Variants in CEP192 observed in about 807,000 individuals in gnomAD.
The protein encoded by CEP192 is centrosomal protein 192, also known as centrosomal protein of 192 kDa.
Under a neutral mutation model 271.8 loss-of-function variants are expected in CEP192, and 151 were observed. The observed-to-expected ratio is 0.56, with a 90% CI of 0.49 to 0.64. The LOEUF (loss-of-function observed/expected upper bound fraction) is 0.64. Ranked by LOEUF, CEP192 falls within the 30% of genes least tolerant of loss-of-function variation. The pLI is 0.00. For missense variants in CEP192, 2,910 were observed against 3,020.5 expected (o/e 0.96, Z 0.86); for synonymous variants, 995 against 1,076.5 (o/e 0.92, Z 1.48).
intron 36 of CEP192, among the ~76,000 whole-genome samples, chr18:13,097,346 T>C (rs2039448984): frequency 6.6e-6 from 1 of 152,224 alleles, no homozygotes; most frequent in South Asian, 2.1e-4. Context: ...TTATAAACTC[T>C]TCTCTGGCAT....
chr18:13,078,328 A>G (rs2038400226), intron 30 of CEP192, among the ~76,000 whole-genome samples: 1 of 152,128 alleles, frequency 6.6e-6, no homozygotes, highest in Non-Finnish European at 1.5e-5. Flanking sequence ...TATCCAGTCT[A>G]TCATTGATGG....
intron 21 of CEP192, among the ~76,000 whole-genome samples, chr18:13,060,530 G>A (rs986142182): frequency 6.6e-6 from 1 of 152,130 alleles, no homozygotes; most frequent in African/African-American, 2.4e-5. Flanking sequence ...CAAGGTGTTA[G>A]GAATTTTCCA....
chr18:12,996,855 A>C lies in CEP192; in HGVS notation c.-4-2566A>C, dbSNP rs547000547. Among the ~76,000 whole-genome samples, 230 of 152,158 alleles carry C rather than the reference A, an allele frequency of 1.5e-3. 4 individuals carry two copies. Among genetic ancestry groups the C allele is most frequent in the South Asian group, 6.5e-3 (31 of 4,796 alleles). ...GAGATCAGGGCTGATGCTGACAAGC[A>C]TTTTTTTGGTGGTGTGGTGGGATGA... On this transcript the variant is annotated intron_variant, in intron 1 of 44. Transcript: ENST00000506447.
chr18:13,049,445 A>G lies in CEP192; in HGVS notation c.2654A>G (p.Asp885Gly), dbSNP rs536253009. Residue 885 changes from aspartate (D) to glycine (G), a missense_variant, in exon 16 of 45, where the codon GAC becomes GGC. Coordinates refer to ENST00000506447, the MANE Select transcript of CEP192 (RefSeq NM_032142.4). Reference protein sequence around the residue: ...AVVDVKTCSIDNKLQDVGNDE... With the variant: ...AVVDVKTCSIGNKLQDVGNDE... Reference sequence around the variant, plus strand: ...GTTGATGTGAAGACATGTTCCATTGACAACAAATTACAAGATGTTGGTAAC... The same window carrying G: ...GTTGATGTGAAGACATGTTCCATTGGCAACAAATTACAAGATGTTGGTAAC... 5 of 1,614,152 alleles carry G rather than the reference A, an allele frequency of 3.1e-6. No homozygotes were observed. The highest frequency in any genetic ancestry group is 1.7e-5 in the Admixed American group (1 of 60,022).
intron 1 of CEP192, among the ~76,000 whole-genome samples, chr18:12,991,908 C>T (rs1568245254): frequency 1.4e-5 from 1 of 73,416 alleles, no homozygotes; most frequent in Non-Finnish European, 2.4e-5. Flanking sequence ...AGGAAGTAAC[C>T]TTGTTAACTT....
At chr18:13,094,499 T>A (rs185689514) in intron 34 of CEP192, among the ~76,000 whole-genome samples, 3 of 152,334 alleles carry the variant, frequency 2.0e-5, no homozygotes, top group East Asian at 3.9e-4. Context: ...TGGCTTCTGA[T>A]CCTTTTGATA....
intron 3 of CEP192, among the ~76,000 whole-genome samples, chr18:13,004,648 T>C (rs776066577): frequency 4.6e-5 from 7 of 151,522 alleles, no homozygotes; most frequent in African/African-American, 7.3e-5. Flanking sequence ...GAGGAGTTGG[T>C]GGTTTAAAAA....
intron 31 of CEP192, 56 bp downstream of exon 31, chr18:13,087,333 A>T (rs866997431): frequency 3.2e-5 from 46 of 1,440,460 alleles, no homozygotes; most frequent in Middle Eastern, 4.4e-4. Context: ...ATTGTTAATA[A>T]TTATGTATTT....
intron 8 of CEP192, among the ~76,000 whole-genome samples, chr18:13,018,845 G>A (rs140220591): frequency 6.0e-4 from 92 of 152,172 alleles, no homozygotes; most frequent in African/African-American, 2.2e-3. Flanking sequence ...ACAAATAATT[G>A]TATTCTATCC....
chr18:13,035,469 A>G (rs2035867911), intron 11 of CEP192, among the ~76,000 whole-genome samples: 1 of 152,198 alleles, frequency 6.6e-6, no homozygotes, highest in Non-Finnish European at 1.5e-5. Flanking sequence ...AACCCATCAG[A>G]TCTCGTGAGA....
chr18:13,103,612 T>C (rs775399751), intron 39 of CEP192, 24 bp downstream of exon 39: 5 of 1,525,770 alleles, frequency 3.3e-6, no homozygotes, highest in Middle Eastern at 1.7e-4. Flanking sequence ...GCCTCAGATA[T>C]AATCGTTTTA....
intron 20 of CEP192, 146 bp downstream of exon 20, chr18:13,057,879 T>A (rs1420291477): frequency 6.4e-6 from 4 of 623,844 alleles, no homozygotes; most frequent in Non-Finnish European, 1.1e-5. Context: ...TCAGACCCCT[T>A]TTGTTGTAGT....
intron 36 of CEP192, among the ~76,000 whole-genome samples, chr18:13,098,798 A>G (rs977063106): frequency 6.6e-6 from 1 of 152,176 alleles, no homozygotes; most frequent in Non-Finnish European, 1.5e-5. Context: ...CAGAGGCTGC[A>G]GTCTCGGCAC....
At chr18:13,053,784 G>A (rs866316416) in intron 18 of CEP192, among the ~76,000 whole-genome samples, 1 of 152,230 alleles carries the variant, frequency 6.6e-6, no homozygotes, top group Middle Eastern at 3.4e-3. Flanking sequence ...GGGACCGCTG[G>A]TCTCAAGGGA....
At chr18:13,114,275 T>C (rs147136394) in intron 42 of CEP192, 24 bp downstream of exon 42, 11 of 1,608,146 alleles carry the variant, frequency 6.8e-6, no homozygotes, top group African/African-American at 5.4e-5. Flanking sequence ...GTCATTCTTA[T>C]GAGTTTTTTC....
intron 21 of CEP192, among the ~76,000 whole-genome samples, chr18:13,065,121 T>A (rs759594061): frequency 2.0e-5 from 3 of 152,138 alleles, no homozygotes; most frequent in Non-Finnish European, 4.4e-5. Flanking sequence ...CTTTTATATG[T>A]TAATTTTGTA....
chr18:13,067,954 G>C lies in CEP192; in HGVS notation c.4612G>C (p.Ala1538Pro). The change falls in exon 22 of 45, where the codon GCT (alanine) becomes CCT (proline). Residue 1538 changes from alanine (A) to proline (P), a missense_variant and splice_region_variant. Physicochemically the swap from Ala to Pro is conservative, Grantham distance 27. Coordinates refer to ENST00000506447, the MANE Select transcript of CEP192 (RefSeq NM_032142.4). ...ATVPIRLIIN[A>P]NAVAWRCFTF... ...TGTGCCAATTAGACTGATTATTAAT[G>C]CTGTAAGTATGAACATACAGTAAGA... 6.2e-7 allele frequency: 1 copy of C among 1,607,174 alleles called. No individual in the cohort carries two copies. The highest frequency in any genetic ancestry group is 2.2e-5 in the East Asian group (1 of 44,696).
chr18:13,024,469 T>G, intron 9 of CEP192: 1 of 359,602 alleles, frequency 2.8e-6, no homozygotes, highest in Non-Finnish European at 5.4e-6. Flanking sequence ...GTTTATTTAT[T>G]TATTTATTTT....
rs2036929251 is a variant in CEP192, at chr18:13,053,713, A to G, written c.3189+623A>G. Among the ~76,000 whole-genome samples, 6 of 151,986 alleles carry G rather than the reference A, an allele frequency of 3.9e-5. No homozygotes were observed. The South Asian group carries it at 1.2e-3, about 32-fold the overall frequency. The stretch of plus-strand genomic sequence containing the variant: ...TGTTTTGTTTTTGTATTTTTTAGAG[A>G]CGATCTCGCTCTGTCACCCAGGCTG... On this transcript the variant is annotated intron_variant, in intron 18 of 44. Coordinates refer to ENST00000506447, the MANE Select transcript of CEP192 (RefSeq NM_032142.4).
Sources: allele counts gnomAD v4.1 joint callset (sites outside exome capture counted in the v4.1 genomes callset), GRCh38; gene constraint gnomAD v4.1.1; transcripts MANE v1.5; gene names NCBI Gene and HGNC (gene_info 2026-07-23, HGNC 2026-07-21).